Variants in CUX2 observed in about 807,000 individuals in gnomAD.
The protein encoded by CUX2 is homeobox protein cut-like 2.
Under a neutral mutation model 144.8 loss-of-function variants are expected in CUX2, and 40 were observed. The ratio of observed to expected loss-of-function variants is 0.28; its 90% confidence interval spans 0.21 to 0.36. The LOEUF (loss-of-function observed/expected upper bound fraction) is 0.36, where lower values mean the gene tolerates loss of function less well. Among genes scored for constraint, CUX2 ranks in the 10% least tolerant of loss-of-function variants. CUX2 has a pLI of 1.00. For synonymous variants in CUX2, 827 were observed against 875.6 expected (o/e 0.94, Z 0.98); for missense variants, 1,615 against 1,994.0 (o/e 0.81, Z 3.62).
intron 3 of CUX2, among the ~76,000 whole-genome samples, chr12:111,241,942 G>C (rs577086894): frequency 6.6e-6 from 1 of 152,384 alleles, no homozygotes; most frequent in African/African-American, 2.4e-5. Flanking sequence ...TACAAGATGG[G>C]CTGATAGTTT....
At chr12:111,199,965 G>C (rs139712689) in intron 1 of CUX2, among the ~76,000 whole-genome samples, 14 of 152,310 alleles carry the variant, frequency 9.2e-5, no homozygotes, top group Admixed American at 7.8e-4. Flanking sequence ...TGCGTGCTGC[G>C]TGGTACCCTG....
rs777252464 is a variant in CUX2 at position 111,306,905 on chromosome 12, A to T, written c.859-16A>T. The T allele has an allele frequency of 1.3e-6, 2 of 1,572,700 alleles. No individual in the cohort carries two copies. The highest frequency in any genetic ancestry group is 2.3e-5 in the South Asian group (2 of 86,060). The stretch of plus-strand genomic sequence containing the variant: ...TCCCTCACCTCTCAGCCCCTCAAAG[A>T]CCCCTTTGCCTGCAGGATAAGGTGA... On this transcript the variant is annotated splice_polypyrimidine_tract_variant and intron_variant, in intron 10 of 21. Coordinates refer to ENST00000261726, the MANE Select transcript of CUX2 (RefSeq NM_015267.4).
chr12:111,176,026 T>TCTA (rs1336150901), intron 1 of CUX2, among the ~76,000 whole-genome samples: 4 of 146,306 alleles, frequency 2.7e-5, no homozygotes, highest in Non-Finnish European at 6.0e-5. Context: ...AGGAGTCTCT[T>TCTA]CTTCTTCTTC....
Position 111,308,136 on chromosome 12 carries a change from C to G in CUX2, c.1110-149C>G, listed in dbSNP as rs900792578. The G allele has an allele frequency of 4.6e-6, 4 of 868,578 alleles. No homozygotes were observed. The African/African-American group carries it at 6.6e-5, about 14-fold the overall frequency. 53.8% of individuals were successfully genotyped at this position (868,578 alleles called of 1,614,324 possible). A position where few individuals can be genotyped will look rare whatever the true frequency, so the allele number is the denominator to read the frequency against. ...TGTTAATGAGCCTGCTACTTCAGGC[C>G]TGGGGTTGCAATGACTCTGGAATTA... On this transcript the variant is annotated intron_variant, in intron 12 of 21. Transcript: ENST00000261726.
chr12:111,253,331 C>T (rs1383530214), intron 3 of CUX2, among the ~76,000 whole-genome samples: 1 of 149,834 alleles, frequency 6.7e-6, no homozygotes. Flanking sequence ...CCCCTTTCTT[C>T]TTCCCCTTCG....
intron 4 of CUX2, among the ~76,000 whole-genome samples, chr12:111,283,337 A>T (rs1184832821): frequency 6.6e-6 from 1 of 152,134 alleles, no homozygotes; most frequent in East Asian, 1.9e-4. Flanking sequence ...CTGTTCCAGC[A>T]TCGGGCAGGA....
chr12:111,153,505 T>G (rs1369738355), intron 1 of CUX2, among the ~76,000 whole-genome samples: 1 of 152,148 alleles, frequency 6.6e-6, no homozygotes, highest in Non-Finnish European at 1.5e-5. Flanking sequence ...CTGAACACCC[T>G]AGGCACTTGT....
At position 111,159,220 on chromosome 12, in the gene CUX2, C is replaced by G. The variant is rs78657812; in HGVS notation, c.64-54980C>G. ...GGAATGCGGTGGCGCGATCGTAGCT[C>G]GCTGCAACCCCAGCCACCTGGGCTC... is the stretch of plus-strand genomic sequence containing the variant. On this transcript the variant is annotated intron_variant, in intron 1 of 21. Transcript: ENST00000261726. 2.0e-5 allele frequency among the ~76,000 whole-genome samples: 3 copies of G among 152,238 alleles called. No individual in the cohort carries two copies. In the South Asian group the frequency reaches 6.2e-4, roughly 32 times the overall value.
chr12:111,053,848 C>G (rs1178350570), intron 1 of CUX2, among the ~76,000 whole-genome samples: 2 of 152,182 alleles, frequency 1.3e-5, no homozygotes, highest in East Asian at 1.9e-4. Context: ...GTGGCCTGAT[C>G]AGAGGTTACC....
chr12:111,041,056 A>G (rs979898010), intron 1 of CUX2, among the ~76,000 whole-genome samples: 4 of 152,226 alleles, frequency 2.6e-5, no homozygotes, highest in Non-Finnish European at 5.9e-5. Flanking sequence ...TCCAGAGAGA[A>G]GCATGAAGAG....
intron 1 of CUX2, among the ~76,000 whole-genome samples, chr12:111,149,101 C>T (rs1329859458): frequency 6.6e-6 from 1 of 152,118 alleles, no homozygotes; most frequent in South Asian, 2.1e-4. Context: ...AGTCACACAG[C>T]CAGCAGCAAG....
intron 1 of CUX2, among the ~76,000 whole-genome samples, chr12:111,163,721 A>G (rs77092074): frequency 0.011 from 1,649 of 152,324 alleles, 28 homozygotes; most frequent in African/African-American, 0.038. Context: ...GCTGCTGCTT[A>G]CAACTTGAAG....
chr12:111,293,150 A>G lies in CUX2; in HGVS notation c.437-296A>G, dbSNP rs1447608085. On this transcript the variant is annotated intron_variant, in intron 5 of 21. Coordinates refer to ENST00000261726, the MANE Select transcript of CUX2 (RefSeq NM_015267.4). This position sits in a 1 kb window ranked among gnomAD's most constrained non-coding sequence, Gnocchi z 4.5. ...TCTCAAAAAAAAAATAAAAAATAAAAAAAGGTGAATTTTATGTGACGTATA... is the reference window on the plus strand; with the variant it reads ...TCTCAAAAAAAAAATAAAAAATAAAGAAAGGTGAATTTTATGTGACGTATA... Among the ~76,000 whole-genome samples, 2 of 152,232 alleles carry G rather than the reference A, an allele frequency of 1.3e-5. No individual in the cohort carries two copies. The highest frequency in any genetic ancestry group is 2.9e-5 in the Non-Finnish European group (2 of 68,036).
At chr12:111,076,911 G>A (rs1871565657) in intron 1 of CUX2, among the ~76,000 whole-genome samples, 1 of 152,170 alleles carries the variant, frequency 6.6e-6, no homozygotes, top group Non-Finnish European at 1.5e-5. Context: ...TCTTAACGAG[G>A]CTTTAATTCA....
At chr12:111,067,961 C>G (rs1432739344) in intron 1 of CUX2, among the ~76,000 whole-genome samples, 1 of 152,146 alleles carries the variant, frequency 6.6e-6, no homozygotes, top group Non-Finnish European at 1.5e-5. Flanking sequence ...AGTTCCACCC[C>G]CTGCCTCAGA....
intron 1 of CUX2, among the ~76,000 whole-genome samples, chr12:111,124,937 T>C (rs1362298263): frequency 6.6e-6 from 1 of 152,192 alleles, no homozygotes; most frequent in Non-Finnish European, 1.5e-5. Context: ...GAAAGGGTTC[T>C]GATTTCTAAT....
intron 1 of CUX2, among the ~76,000 whole-genome samples, chr12:111,116,407 GTGT>G (rs987447977): frequency 3.3e-5 from 5 of 152,298 alleles, no homozygotes; most frequent in African/African-American, 1.2e-4. Flanking sequence ...TAGAAGCATT[GTGT>G]TGTTAACTAA....
chr12:111,095,417 C>G (rs544194859), intron 1 of CUX2, among the ~76,000 whole-genome samples: 1 of 152,142 alleles, frequency 6.6e-6, no homozygotes, highest in Admixed American at 6.5e-5. Context: ...TGTGATTGTA[C>G]CACTGCACTC....
chr12:111,191,270 G>A (rs1408007410), intron 1 of CUX2, among the ~76,000 whole-genome samples: 1 of 152,060 alleles, frequency 6.6e-6, no homozygotes, highest in Admixed American at 6.5e-5. Flanking sequence ...GGGTCATTGT[G>A]TGGCTGTCTA....
Sources: allele counts gnomAD v4.1 joint callset (sites outside exome capture counted in the v4.1 genomes callset), GRCh38; gene constraint gnomAD v4.1.1; non-coding constraint Gnocchi (gnomAD v3.1); transcripts MANE v1.5; gene names NCBI Gene and HGNC (gene_info 2026-07-23, HGNC 2026-07-21).